Variants in ADAMTSL1 observed in about 807,000 individuals in gnomAD.
ADAMTSL1 encodes ADAMTS like 1, also known as ADAMTS-like protein 1.
A neutral mutation model predicts 201.8 loss-of-function variants in ADAMTSL1; 126 were observed. The ratio of observed to expected loss-of-function variants is 0.62; its 90% CI spans 0.54 to 0.72. The LOEUF is 0.72. Among genes scored for constraint, ADAMTSL1 ranks in the 30% least tolerant of loss-of-function variants. The probability of loss-of-function intolerance (pLI) is 0.00; values close to 1 mark genes in which losing one functional copy is unlikely to be tolerated. For missense variants in ADAMTSL1, 2,679 were observed against 2,277.8 expected (o/e 1.18, Z -3.59); for synonymous variants, 1,121 against 903.4 (o/e 1.24, Z -4.32).
intron 2 of ADAMTSL1, among the ~76,000 whole-genome samples, chr9:18,217,259 C>A (rs1333800739): frequency 6.6e-6 from 1 of 152,132 alleles, no homozygotes; most frequent in Non-Finnish European, 1.5e-5. Context: ...GCTGCTTATT[C>A]TTCATAACAA....
intron 26 of ADAMTSL1, among the ~76,000 whole-genome samples, chr9:18,894,560 A>C (rs1435490003): frequency 6.6e-6 from 1 of 152,068 alleles, no homozygotes; most frequent in Admixed American, 6.5e-5. Context: ...GGATGAGAGA[A>C]AGGAAGGAAG....
chr9:18,091,037 T>C (rs1823990049), intron 1 of ADAMTSL1, among the ~76,000 whole-genome samples: 1 of 150,148 alleles, frequency 6.7e-6, no homozygotes, highest in Non-Finnish European at 1.5e-5. Context: ...AAAGAATCTT[T>C]AGTTAAATAA....
chr9:18,291,178 G>A (rs955104400), intron 2 of ADAMTSL1, among the ~76,000 whole-genome samples: 2 of 152,148 alleles, frequency 1.3e-5, no homozygotes, highest in African/African-American at 4.8e-5. Flanking sequence ...GAGAGGAAGA[G>A]GGCTCAGAAT....
chr9:17,913,111 G>A (rs1216297923), intron 1 of ADAMTSL1, among the ~76,000 whole-genome samples: 1 of 152,140 alleles, frequency 6.6e-6, no homozygotes, highest in African/African-American at 2.4e-5. Context: ...GTGTAGTATA[G>A]TTTGAAGTCA....
chr9:18,688,310 TA>T (rs1404482814), intron 13 of ADAMTSL1, among the ~76,000 whole-genome samples: 2 of 151,312 alleles, frequency 1.3e-5, no homozygotes, highest in Admixed American at 1.3e-4. Flanking sequence ...TTTTAGTAAA[TA>T]AGAGACAGGG....
chr9:18,491,802 C>G (rs1332737290), intron 1 of ADAMTSL1, among the ~76,000 whole-genome samples: 3 of 152,138 alleles, frequency 2.0e-5, no homozygotes, highest in Non-Finnish European at 2.9e-5. Flanking sequence ...TCTCTAATCA[C>G]CATTATTATT....
intron 2 of ADAMTSL1, among the ~76,000 whole-genome samples, chr9:18,244,285 C>T (rs1003438824): frequency 6.6e-6 from 1 of 152,084 alleles, no homozygotes; most frequent in Non-Finnish European, 1.5e-5. Context: ...TCTAATTGAT[C>T]TGCTCACTTC....
chr9:18,276,378 T>C (rs1258586986), intron 2 of ADAMTSL1, among the ~76,000 whole-genome samples: 1 of 152,228 alleles, frequency 6.6e-6, no homozygotes, highest in African/African-American at 2.4e-5. Context: ...TTTTCATTTA[T>C]GGTTTATTTA....
At chr9:18,599,563 G>C (rs1457398191) in intron 4 of ADAMTSL1, among the ~76,000 whole-genome samples, 1 of 152,052 alleles carries the variant, frequency 6.6e-6, no homozygotes. Context: ...AGGCTATTTG[G>C]GTTTAGCCTC....
At chr9:18,498,210 C>A (rs1317162650) in intron 1 of ADAMTSL1, among the ~76,000 whole-genome samples, 2 of 151,722 alleles carry the variant, frequency 1.3e-5, no homozygotes, top group African/African-American at 4.8e-5. Context: ...GCATTTGTAG[C>A]ATGGGGGTGG....
intron 23 of ADAMTSL1, among the ~76,000 whole-genome samples, chr9:18,881,419 C>G (rs936122966): frequency 3.9e-5 from 6 of 152,148 alleles, no homozygotes; most frequent in African/African-American, 1.4e-4. Context: ...ATTGCTGCAT[C>G]TCAGGGGATA....
At chr9:18,020,283 G>C (rs73643496) in intron 1 of ADAMTSL1, among the ~76,000 whole-genome samples, 2,271 of 152,138 alleles carry the variant, frequency 0.015, 60 homozygotes, top group African/African-American at 0.052. Flanking sequence ...ACAGGATTTA[G>C]CGATTCAATT....
intron 2 of ADAMTSL1, among the ~76,000 whole-genome samples, chr9:18,269,995 C>G (rs539019695): frequency 1.3e-5 from 2 of 152,076 alleles, no homozygotes; most frequent in Admixed American, 6.6e-5. Context: ...CTAATGCCGT[C>G]TCTACAAGAC....
chr9:18,606,688 C>T (rs1360876325), intron 4 of ADAMTSL1, among the ~76,000 whole-genome samples: 1 of 152,196 alleles, frequency 6.6e-6, no homozygotes, highest in African/African-American at 2.4e-5. Flanking sequence ...GTTTGTTTTA[C>T]AGGCTTCACG....
intron 2 of ADAMTSL1, among the ~76,000 whole-genome samples, chr9:18,203,766 C>T (rs1587302612): frequency 6.6e-6 from 1 of 152,090 alleles, no homozygotes; most frequent in Middle Eastern, 3.4e-3. Context: ...GGTATGTAAG[C>T]CACAGGATTA....
chr9:18,212,952 G>A (rs540220620), intron 2 of ADAMTSL1, among the ~76,000 whole-genome samples: 1 of 152,268 alleles, frequency 6.6e-6, no homozygotes, highest in Non-Finnish European at 1.5e-5. Flanking sequence ...GCAGTTCATT[G>A]TCCTAAATGC....
intron 2 of ADAMTSL1, among the ~76,000 whole-genome samples, chr9:18,349,704 G>GA (rs1835879302): frequency 6.6e-6 from 1 of 152,028 alleles, no homozygotes; most frequent in Non-Finnish European, 1.5e-5. Context: ...CCATCGGGCT[G>GA]GAATCTATTC....
At chr9:18,411,871 C>A (rs961496847) in intron 2 of ADAMTSL1, among the ~76,000 whole-genome samples, 10 of 152,180 alleles carry the variant, frequency 6.6e-5, no homozygotes, top group African/African-American at 2.4e-4. Flanking sequence ...AATCTAATAC[C>A]TATTTTATAC....
intron 1 of ADAMTSL1, among the ~76,000 whole-genome samples, chr9:18,125,808 G>T (rs1825707259): frequency 2.0e-5 from 3 of 152,088 alleles, no homozygotes; most frequent in Admixed American, 2.0e-4. Context: ...CTGTAGATTT[G>T]CTCATTTTTC....
Sources: gnomAD v4.1 joint callset for allele counts (sites outside exome capture counted in the v4.1 genomes callset) on GRCh38, gnomAD v4.1.1 for gene constraint, MANE v1.5 for transcripts, NCBI Gene and HGNC (gene_info 2026-07-23, HGNC 2026-07-21) for gene names.